Variants in LMBR1 observed in about 807,000 individuals in gnomAD.
LMBR1 encodes the protein limb development membrane protein 1.
A neutral mutation model predicts 73.9 loss-of-function variants in LMBR1; 52 were observed. The ratio of observed to expected loss-of-function variants is 0.70; its 90% CI spans 0.56 to 0.89. The LOEUF (loss-of-function observed/expected upper bound fraction) is 0.89, where lower values mean the gene tolerates loss of function less well. Among genes scored for constraint, LMBR1 ranks in the 40% least tolerant of loss-of-function variants. LMBR1 has a pLI of 0.00. For missense variants in LMBR1, 539 were observed against 579.8 expected (o/e 0.93, Z 0.72); for synonymous variants, 215 against 209.4 (o/e 1.03, Z -0.23).
At chr7:156,868,846 G>C (rs1459713911) in intron 1 of LMBR1, among the ~76,000 whole-genome samples, 1 of 152,082 alleles carries the variant, frequency 6.6e-6, no homozygotes, top group East Asian at 1.9e-4. Flanking sequence ...CAAGCCTGTA[G>C]TCTCAGCTAC....
chr7:156,812,315 C>CAG (rs1434063252), intron 4 of LMBR1, among the ~76,000 whole-genome samples: 1 of 151,410 alleles, frequency 6.6e-6, no homozygotes, highest in Non-Finnish European at 1.5e-5. Context: ...TTTTTAAACA[C>CAG]ACAGAGAGAG....
chr7:156,787,640 G>A (rs1040920451), intron 5 of LMBR1, among the ~76,000 whole-genome samples: 1 of 152,064 alleles, frequency 6.6e-6, no homozygotes, highest in African/African-American at 2.4e-5. Flanking sequence ...TAATTTCCAT[G>A]TTATTTCTAC....
intron 9 of LMBR1, among the ~76,000 whole-genome samples, chr7:156,737,508 C>A (rs1444080939): frequency 1.3e-5 from 2 of 152,132 alleles, no homozygotes; most frequent in African/African-American, 4.8e-5. Context: ...ATTTCCTCCA[C>A]CACATTTTCT....
chr7:156,875,084 AACAG>A (rs1309900004), intron 1 of LMBR1, among the ~76,000 whole-genome samples: 5 of 152,218 alleles, frequency 3.3e-5, no homozygotes, highest in African/African-American at 9.6e-5. Flanking sequence ...TCTTCAGTGA[AACAG>A]ACAGCATAAA....
chr7:156,776,170 G>A (rs1826106488), intron 5 of LMBR1, among the ~76,000 whole-genome samples: 1 of 151,106 alleles, frequency 6.6e-6, no homozygotes, highest in Non-Finnish European at 1.5e-5. Context: ...TAAACACAAT[G>A]TAATGGTTCA....
chr7:156,891,225 TATATATATACAC>T (rs61400661), intron 1 of LMBR1, among the ~76,000 whole-genome samples: 4,465 of 76,392 alleles, frequency 0.058, 221 homozygotes, highest in East Asian at 0.16. Context: ...TATATATATA[TATATATATACAC>T]ACACACACAC....
In LMBR1 at chr7:156,791,065, AT is replaced by A. The variant is rs970327033; in HGVS notation, c.423+5323del. 1.8e-4 allele frequency among the ~76,000 whole-genome samples: 27 copies of A among 152,138 alleles called. 1 individual carries two copies. In the Middle Eastern group the frequency reaches 0.02, roughly 115 times the overall value. ...ATTTCTATTAATAAATTGCTCTATGATTTTTTTTCTTGAAGGTGTTGGGAAA... is the reference window on the plus strand; with the variant it reads ...ATTTCTATTAATAAATTGCTCTATGATTTTTTTCTTGAAGGTGTTGGGAAA... On this transcript the variant is annotated intron_variant, in intron 5 of 16. Transcript: ENST00000353442.
chr7:156,681,139 A>G lies in LMBR1; in HGVS notation c.*2939T>C, dbSNP rs1804952811. On this transcript the variant is annotated 3_prime_UTR_variant, in exon 17 of 17. Coordinates refer to ENST00000353442, the MANE Select transcript of LMBR1 (RefSeq NM_022458.4). ...TTTATGCATTAAATAACGTGCTACC[A>G]ACAAAACTAGCACATAAGAGCCTGT... The G allele has an allele frequency of 2.2e-6, 1 of 446,758 alleles. No individual in the cohort carries two copies. Among genetic ancestry groups the G allele is most frequent in the South Asian group, 1.6e-5 (1 of 62,162 alleles). 27.7% of individuals were successfully genotyped at this position (446,758 alleles called of 1,614,324 possible). A position where few individuals can be genotyped will look rare whatever the true frequency, so the allele number is the denominator to read the frequency against.
chr7:156,670,904 G>A lies in LMBR1; in HGVS notation n.867-1617C>T, dbSNP rs935078798. Among the ~76,000 whole-genome samples, 2 of 152,204 alleles carry A rather than the reference G, an allele frequency of 1.3e-5. No individual in the cohort carries two copies. Among genetic ancestry groups the A allele is most frequent in the African/African-American group, 4.8e-5 (2 of 41,442 alleles). On this transcript the variant is annotated intron_variant and non_coding_transcript_variant, in intron 4 of 4. Coordinates refer to the LMBR1 transcript ENST00000430825. The surrounding 1 kb of genome is among the most constrained non-coding windows in gnomAD (Gnocchi z 4.3). The stretch of plus-strand genomic sequence containing the variant: ...TCTGAGATGTCAGTGGTAAAAATGT[G>A]AGTAAATCTAATAGACATTGATTCC...
intron 4 of LMBR1, among the ~76,000 whole-genome samples, chr7:156,826,017 T>C (rs1835623330): frequency 6.6e-6 from 1 of 152,240 alleles, no homozygotes; most frequent in Non-Finnish European, 1.5e-5. Context: ...TTCACTCTTC[T>C]TGCCCAGGCC....
intron 1 of LMBR1, among the ~76,000 whole-genome samples, chr7:156,889,011 G>A (rs778981878): frequency 3.3e-5 from 5 of 151,774 alleles, no homozygotes; most frequent in Non-Finnish European, 7.4e-5. Context: ...CCGAGATCAC[G>A]CCACTGCACT....
At chr7:156,837,822 T>C (rs1586140390) in intron 1 of LMBR1, among the ~76,000 whole-genome samples, 1 of 150,588 alleles carries the variant, frequency 6.6e-6, no homozygotes, top group East Asian at 2.0e-4. Flanking sequence ...GATCTCACTC[T>C]GTTGCTCAGG....
At chr7:156,873,289 G>A (rs1480670218) in intron 1 of LMBR1, among the ~76,000 whole-genome samples, 1 of 151,884 alleles carries the variant, frequency 6.6e-6, no homozygotes, top group Non-Finnish European at 1.5e-5. Flanking sequence ...CAGCGCGTCT[G>A]GAGTTGTTCA....
intron 5 of LMBR1, among the ~76,000 whole-genome samples, chr7:156,773,211 T>G (rs1825528298): frequency 6.6e-6 from 1 of 152,016 alleles, no homozygotes; most frequent in African/African-American, 2.4e-5. Context: ...CACAAACAAA[T>G]GCAAAAACAT....
intron 1 of LMBR1, among the ~76,000 whole-genome samples, chr7:156,868,597 A>G (rs922987758): frequency 2.6e-5 from 4 of 151,618 alleles, no homozygotes; most frequent in African/African-American, 9.7e-5. Flanking sequence ...TTGGAGGCGG[A>G]GGTTGCAGTG....
At chr7:156,708,055 A>C (rs1055693643) in intron 15 of LMBR1, among the ~76,000 whole-genome samples, 1 of 151,818 alleles carries the variant, frequency 6.6e-6, no homozygotes, top group Non-Finnish European at 1.5e-5. Context: ...AAAAACTACT[A>C]TCTAGCTGAG....
At chr7:156,876,672 C>T (rs1273447242) in intron 1 of LMBR1, among the ~76,000 whole-genome samples, 1 of 152,158 alleles carries the variant, frequency 6.6e-6, no homozygotes, top group Non-Finnish European at 1.5e-5. Context: ...AAAGAACCTT[C>T]AAAACCAGAC....
chr7:156,727,468 T>C (rs1227628200), intron 12 of LMBR1, among the ~76,000 whole-genome samples: 1 of 152,134 alleles, frequency 6.6e-6, no homozygotes, highest in Admixed American at 6.5e-5. Context: ...GATAAGACTG[T>C]ACATGGCAAA....
At chr7:156,722,103 T>G (rs1045487623) in intron 15 of LMBR1, among the ~76,000 whole-genome samples, 1 of 152,074 alleles carries the variant, frequency 6.6e-6, no homozygotes, top group Non-Finnish European at 1.5e-5. Flanking sequence ...AATAGAGAAA[T>G]TACATATATA....
Sources: allele counts gnomAD v4.1 joint callset (sites outside exome capture counted in the v4.1 genomes callset), GRCh38; gene constraint gnomAD v4.1.1; non-coding constraint Gnocchi (gnomAD v3.1); transcripts MANE v1.5; gene names NCBI Gene and HGNC (gene_info 2026-07-23, HGNC 2026-07-21).